PTPRM: variants seen among roughly 807,000 people sequenced by gnomAD.
PTPRM encodes the protein receptor-type tyrosine-protein phosphatase mu.
A neutral mutation model predicts 186.7 loss-of-function variants in PTPRM; 47 were observed. The ratio of observed to expected loss-of-function variants is 0.25; its 90% confidence interval spans 0.20 to 0.32. The LOEUF (loss-of-function observed/expected upper bound fraction) is 0.32, where lower values mean the gene tolerates loss of function less well. Ranked by LOEUF, PTPRM falls within the 10% of genes least tolerant of loss-of-function variation. The pLI, the probability that PTPRM is intolerant of heterozygous loss-of-function variation, is 1.00. For missense variants in PTPRM, 1,494 were observed against 1,865.0 expected, an observed-to-expected ratio of 0.80 and a Z score of 3.66; for synonymous variants, 668 against 674.9, an observed-to-expected ratio of 0.99 and a Z score of 0.16.
intron 7 of PTPRM, among the ~76,000 whole-genome samples, chr18:8,002,975 A>G (rs1373095041): frequency 6.6e-6 from 1 of 152,228 alleles, no homozygotes; most frequent in Non-Finnish European, 1.5e-5. Flanking sequence ...GAATTCTCTA[A>G]AAATTCTCTA....
chr18:7,853,198 GAT>G (rs2046948300), intron 2 of PTPRM, among the ~76,000 whole-genome samples: 1 of 152,218 alleles, frequency 6.6e-6, no homozygotes. Flanking sequence ...TATTGATACT[GAT>G]TCCTTCTTTT....
At chr18:7,692,461 A>T (rs577898199) in intron 1 of PTPRM, among the ~76,000 whole-genome samples, 2 of 152,222 alleles carry the variant, frequency 1.3e-5, no homozygotes, top group East Asian at 3.9e-4. Context: ...CGCCTGGGTG[A>T]CAGTATGAAA....
At chr18:7,942,370 T>G (rs980217991) in intron 5 of PTPRM, among the ~76,000 whole-genome samples, 2 of 151,822 alleles carry the variant, frequency 1.3e-5, no homozygotes, top group Admixed American at 6.6e-5. Flanking sequence ...GGGAAAACTG[T>G]GTTTTTATGG....
intron 2 of PTPRM, among the ~76,000 whole-genome samples, chr18:7,859,871 C>T (rs756357569): frequency 2.6e-5 from 4 of 152,112 alleles, no homozygotes; most frequent in Non-Finnish European, 4.4e-5. Context: ...CCCTCCCCTG[C>T]CTCAAAGCCC....
intron 9 of PTPRM, among the ~76,000 whole-genome samples, chr18:8,079,455 T>C (rs539646784): frequency 6.6e-6 from 1 of 152,306 alleles, no homozygotes; most frequent in East Asian, 1.9e-4. Context: ...CTTCCGAATT[T>C]TACTTTTCAA....
chr18:7,963,795 C>T (rs1004754486), intron 7 of PTPRM, among the ~76,000 whole-genome samples: 5 of 152,114 alleles, frequency 3.3e-5, no homozygotes, highest in Non-Finnish European at 5.9e-5. Flanking sequence ...TCTGACAGGT[C>T]ATCAGTCGCT....
chr18:8,209,373 T>C (rs1414194944), intron 14 of PTPRM, among the ~76,000 whole-genome samples: 7 of 152,044 alleles, frequency 4.6e-5, no homozygotes, highest in Middle Eastern at 3.2e-3. Flanking sequence ...CAGGGTTTGC[T>C]GATAGATTGA....
intron 11 of PTPRM, among the ~76,000 whole-genome samples, chr18:8,101,863 T>C (rs900915948): frequency 6.6e-6 from 1 of 152,208 alleles, no homozygotes; most frequent in South Asian, 2.1e-4. Flanking sequence ...AGAACCAAGA[T>C]GGTTACACCT....
intron 2 of PTPRM, among the ~76,000 whole-genome samples, chr18:7,816,975 AT>A (rs71354570): frequency 2.3e-3 from 313 of 138,564 alleles, no homozygotes; most frequent in African/African-American, 4.0e-3. Flanking sequence ...TAGTTAATTA[AT>A]TTTTTTTTTT....
intron 19 of PTPRM, among the ~76,000 whole-genome samples, chr18:8,282,133 C>T (rs370390380): frequency 3.7e-4 from 56 of 152,046 alleles, no homozygotes; most frequent in African/African-American, 1.3e-3. Flanking sequence ...AGACACTTCA[C>T]CAAAGAGAAT....
intron 1 of PTPRM, chr18:7,751,233 G>A (rs2041201741): frequency 6.6e-6 from 1 of 152,344 alleles, no homozygotes; most frequent in Admixed American, 6.5e-5. Context: ...CCACAACTTT[G>A]AGGTGAAACT....
rs78838138 is a variant in PTPRM, at chr18:8,087,682, G to T, written c.1754-1067G>T. 3.9e-5 allele frequency among the ~76,000 whole-genome samples: 6 copies of T among 152,248 alleles called. No homozygotes were observed. The East Asian group carries it at 1.2e-3, about 29-fold the overall frequency. ...TGTTAATTCTATGTTATGAATTGGAGTTAATTTTTAAGAGAATTGAAATAA... is the reference window on the plus strand; with the variant it reads ...TGTTAATTCTATGTTATGAATTGGATTTAATTTTTAAGAGAATTGAAATAA... On this transcript the variant is annotated intron_variant, in intron 10 of 32. Transcript: ENST00000580170.
At chr18:7,621,790 G>A (rs2037944805) in intron 1 of PTPRM, among the ~76,000 whole-genome samples, 1 of 152,066 alleles carries the variant, frequency 6.6e-6, no homozygotes, top group African/African-American at 2.4e-5. Context: ...GTCTTTTTGT[G>A]GCTTGATAGC....
chr18:7,750,194 A>G (rs1037694943), intron 1 of PTPRM, among the ~76,000 whole-genome samples: 7 of 152,342 alleles, frequency 4.6e-5, no homozygotes, highest in African/African-American at 1.2e-4. Context: ...AGGAAATACC[A>G]TGGTTTAAGT....
chr18:8,159,638 C>T (rs11876454), intron 14 of PTPRM, among the ~76,000 whole-genome samples: 7,831 of 152,120 alleles, frequency 0.051, 686 homozygotes, highest in African/African-American at 0.18. Context: ...GTGTCCCTCC[C>T]GACAGTGCCG....
intron 1 of PTPRM, among the ~76,000 whole-genome samples, chr18:7,591,047 C>T (rs1476285280): frequency 6.6e-6 from 1 of 152,194 alleles, no homozygotes; most frequent in Non-Finnish European, 1.5e-5. Context: ...TCATTTCCTG[C>T]TTCTAGAAAC....
At chr18:8,174,792 C>A (rs1010375768) in intron 14 of PTPRM, among the ~76,000 whole-genome samples, 1 of 152,208 alleles carries the variant, frequency 6.6e-6, no homozygotes, top group Admixed American at 6.5e-5. Context: ...TCACAGACTT[C>A]CTGCATGTGC....
intron 3 of PTPRM, among the ~76,000 whole-genome samples, chr18:7,905,150 C>G (rs570941383): frequency 2.6e-5 from 4 of 152,102 alleles, no homozygotes; most frequent in Non-Finnish European, 5.9e-5. Context: ...TATGCCACCA[C>G]GTCCACCTAA....
At chr18:7,758,864 A>G (rs1272624010) in intron 1 of PTPRM, among the ~76,000 whole-genome samples, 4 of 152,184 alleles carry the variant, frequency 2.6e-5, no homozygotes, top group Non-Finnish European at 5.9e-5. Flanking sequence ...GTACTGCTGA[A>G]AAGTGATGTA....
Sources: gnomAD v4.1 joint callset for allele counts (sites outside exome capture counted in the v4.1 genomes callset) on GRCh38, gnomAD v4.1.1 for gene constraint, MANE v1.5 for transcripts, NCBI Gene and HGNC (gene_info 2026-07-23, HGNC 2026-07-21) for gene names.